Variants in CPNE4 observed in about 807,000 individuals in gnomAD.
The protein encoded by CPNE4 is copine-4.
A neutral mutation model predicts 67.9 loss-of-function variants in CPNE4; 25 were observed. The observed-to-expected ratio is 0.37, with a 90% confidence interval of 0.27 to 0.51. The LOEUF (loss-of-function observed/expected upper bound fraction) is 0.51. Among genes scored for constraint, CPNE4 ranks in the 20% least tolerant of loss-of-function variants. CPNE4 has a pLI of 0.93. For missense variants in CPNE4, 464 were observed against 690.8 expected, an observed-to-expected ratio of 0.67 and a Z score of 3.68; for synonymous variants, 242 against 244.9, an observed-to-expected ratio of 0.99 and a Z score of 0.11.
intron 5 of CPNE4, among the ~76,000 whole-genome samples, chr3:131,690,877 T>A (rs1355758091): frequency 2.6e-5 from 4 of 151,998 alleles, no homozygotes; most frequent in Non-Finnish European, 5.9e-5. Context: ...AATAAACCCG[T>A]TAAAAATTGG....
At chr3:131,755,408 A>G (rs1488467488) in intron 2 of CPNE4, among the ~76,000 whole-genome samples, 1 of 152,180 alleles carries the variant, frequency 6.6e-6, no homozygotes, top group Non-Finnish European at 1.5e-5. Flanking sequence ...GCTGAACTAC[A>G]ATAAACTCCT....
intron 1 of CPNE4, among the ~76,000 whole-genome samples, chr3:131,981,384 G>A (rs1184734684): frequency 6.6e-6 from 1 of 152,090 alleles, no homozygotes; most frequent in Non-Finnish European, 1.5e-5. Flanking sequence ...TGTGGGGAAT[G>A]GGGGTGAGAT....
intron 2 of CPNE4, among the ~76,000 whole-genome samples, chr3:131,807,510 T>C (rs1560362324): frequency 6.6e-6 from 1 of 152,188 alleles, no homozygotes. Context: ...TATTTTTTCC[T>C]CAATTTTTCT....
rs1286806451 is a variant in CPNE4 at position 131,990,757 on chromosome 3, A to T, written c.-2+43810T>A. 2.2e-5 allele frequency among the ~76,000 whole-genome samples: 3 copies of T among 135,658 alleles called. 1 individual carries two copies. Among genetic ancestry groups the T allele is most frequent in the Non-Finnish European group, 5.0e-5 (3 of 59,740 alleles). The allele number at this position is 135,658 out of a possible 152,430, so 89.0% of individuals were successfully genotyped here. On this transcript the variant is annotated intron_variant, in intron 1 of 15. Transcript: ENST00000429747. The stretch of plus-strand genomic sequence containing the variant: ...TGTCCAGGATATCCATTGTTGAAGG[A>T]AAAAGGGAGGATTCATATGGCTTGG...
At chr3:132,023,884 G>A (rs1339901928) in intron 1 of CPNE4, among the ~76,000 whole-genome samples, 1 of 152,150 alleles carries the variant, frequency 6.6e-6, no homozygotes, top group African/African-American at 2.4e-5. Context: ...AGGAGGAGAT[G>A]AGAAGTTTCT....
intron 10 of CPNE4, among the ~76,000 whole-genome samples, chr3:131,570,273 C>CA (rs1363235104): frequency 4.6e-5 from 7 of 151,350 alleles, no homozygotes; most frequent in Admixed American, 3.3e-4. Context: ...CAATAACCTT[C>CA]AAAAAAACCT....
At chr3:131,728,645 T>C (rs558036640) in intron 2 of CPNE4, among the ~76,000 whole-genome samples, 8 of 152,010 alleles carry the variant, frequency 5.3e-5, no homozygotes, top group Non-Finnish European at 1.0e-4. Context: ...GCGCAGTGGC[T>C]CACGCCTATA....
rs1211090309 is a variant in CPNE4, at chr3:131,620,185, A to G, written c.682-32603T>C. On this transcript the variant is annotated intron_variant, in intron 7 of 15. Transcript: ENST00000429747. ...ATTTTCATAACACTCATAGGTAAAA[A>G]GAAATGTAAAAGGTTTCTGGGAGAG... 4.6e-5 allele frequency among the ~76,000 whole-genome samples: 7 copies of G among 152,218 alleles called. No individual in the cohort carries two copies. In the East Asian group the frequency reaches 1.3e-3, roughly 29 times the overall value.
chr3:131,636,916 G>C (rs1259885970), intron 7 of CPNE4, among the ~76,000 whole-genome samples: 2 of 152,172 alleles, frequency 1.3e-5, no homozygotes, highest in African/African-American at 4.8e-5. Flanking sequence ...GCTCTGCTGG[G>C]TGGCTAGACC....
intron 7 of CPNE4, among the ~76,000 whole-genome samples, chr3:131,661,483 G>A (rs939257964): frequency 4.9e-4 from 75 of 152,222 alleles, no homozygotes; most frequent in African/African-American, 1.7e-3. Context: ...GCTTTTTCAC[G>A]CTGCAGTATT....
chr3:131,855,104 A>G (rs1466022268), intron 2 of CPNE4, among the ~76,000 whole-genome samples: 1 of 151,978 alleles, frequency 6.6e-6, no homozygotes, highest in Non-Finnish European at 1.5e-5. Context: ...TGTATTTCAC[A>G]TAAGCCTCTT....
intron 1 of CPNE4, among the ~76,000 whole-genome samples, chr3:131,956,307 G>T (rs1370168457): frequency 6.6e-6 from 1 of 151,916 alleles, no homozygotes; most frequent in Non-Finnish European, 1.5e-5. Context: ...GATGAAACTT[G>T]CATTCAAATT....
intron 1 of CPNE4, among the ~76,000 whole-genome samples, chr3:131,974,175 C>G (rs1380122962): frequency 6.6e-6 from 1 of 152,174 alleles, no homozygotes; most frequent in African/African-American, 2.4e-5. Flanking sequence ...ACTTTCTGTT[C>G]TCAGGTCTTA....
rs544230247 is a variant in CPNE4 at position 131,867,250 on chromosome 3, C to T, written c.180+38014G>A. On this transcript the variant is annotated intron_variant, in intron 2 of 15. Transcript: ENST00000429747. ...ACAGGAGGAACTGCCTTCCCTCACC[C>T]GCTCTTTGGGGCACAGCTGTTCGGA... Among the ~76,000 whole-genome samples the T allele has an allele frequency of 9.2e-5, 14 of 152,264 alleles. 1 individual carries two copies. In the South Asian group the frequency reaches 2.1e-3, roughly 23 times the overall value.
At chr3:132,007,558 T>C (rs1437392114) in intron 1 of CPNE4, among the ~76,000 whole-genome samples, 1 of 152,010 alleles carries the variant, frequency 6.6e-6, no homozygotes, top group African/African-American at 2.4e-5. Context: ...GTTGACTATC[T>C]CCACAATTTA....
chr3:131,689,956 T>A (rs1306271712), intron 5 of CPNE4, among the ~76,000 whole-genome samples: 1 of 151,786 alleles, frequency 6.6e-6, no homozygotes, highest in South Asian at 2.1e-4. Flanking sequence ...CTAGAAAAAA[T>A]GAAATGCCTA....
chr3:131,566,634 C>T (rs1407042529), intron 10 of CPNE4, among the ~76,000 whole-genome samples: 15 of 151,828 alleles, frequency 9.9e-5, no homozygotes, highest in Admixed American at 9.9e-4. Flanking sequence ...GAGGAGCACT[C>T]CAGAGATGTT....
chr3:131,758,797 G>A (rs531012025), intron 2 of CPNE4, among the ~76,000 whole-genome samples: 10 of 152,172 alleles, frequency 6.6e-5, no homozygotes, highest in South Asian at 6.2e-4. Context: ...TGCTATTCTC[G>A]TGATAGTGAA....
chr3:131,726,749 A>G (rs2082010994), intron 2 of CPNE4, among the ~76,000 whole-genome samples: 1 of 148,592 alleles, frequency 6.7e-6, no homozygotes, highest in East Asian at 2.0e-4. Flanking sequence ...TTTAAAACTC[A>G]GATTCCTGTT....
Sources: gnomAD v4.1 joint callset for allele counts (sites outside exome capture counted in the v4.1 genomes callset) on GRCh38, gnomAD v4.1.1 for gene constraint, MANE v1.5 for transcripts, NCBI Gene and HGNC (gene_info 2026-07-23, HGNC 2026-07-21) for gene names.